ALYREF: variants seen among roughly 807,000 people sequenced by gnomAD.
ALYREF encodes Aly/REF export factor.
A neutral mutation model predicts 25.2 loss-of-function variants in ALYREF; 1 was observed. The ratio of observed to expected loss-of-function variants is 0.04; its 90% CI spans 0.01 to 0.19. The LOEUF is 0.19. Among genes scored for constraint, ALYREF ranks in the 10% least tolerant of loss-of-function variants. The pLI is 1.00. For missense variants in ALYREF, 328 were observed against 375.6 expected, an observed-to-expected ratio of 0.87 and a Z score of 1.05; for synonymous variants, 193 against 153.5, an observed-to-expected ratio of 1.26 and a Z score of -1.90.
intron 2 of ALYREF, among the ~76,000 whole-genome samples, chr17:81,890,440 C>T (rs1219050148): frequency 6.6e-6 from 1 of 152,196 alleles, no homozygotes; most frequent in African/African-American, 2.4e-5. Context: ...AAACTGGAAG[C>T]CCTGGCAGGG....
Position 81,887,974 on chromosome 17 carries a change from G to GA in ALYREF, c.*156dup, listed in dbSNP as rs1247276078. ...TTTCAGAATTAAAAAAAAAAAAAAA[G>GA]AAAAAAAAAAAACCTTTACATGAGT... On this transcript the variant is annotated 3_prime_UTR_variant, in exon 6 of 6. Transcript: ENST00000505490. The GA allele has an allele frequency of 0.052, 20,202 of 386,962 alleles. No individual in the cohort carries two copies. Among genetic ancestry groups the GA allele is most frequent in the Non-Finnish European group, 0.06 (15,620 of 258,930 alleles). The allele number at this position is 386,962 out of a possible 1,614,324, so 24.0% of individuals were successfully genotyped here.
chr17:81,888,141 T>A lies in ALYREF; in HGVS notation c.785A>T (p.Asp262Val). The change falls in exon 6 of 6, where the codon GAC (aspartate) becomes GTC (valine). Residue 262 changes from aspartate to valine, a missense_variant. Physicochemically the swap from Asp to Val is radical, Grantham distance 152. Transcript: ENST00000505490. The surrounding 1 kb of genome is among the most constrained non-coding windows in gnomAD (Gnocchi z 5.8). ...GATTTGCTGGTCTGTTTAACTGGTG[T>A]CCATCTGAAACACAGAGGAGAAAGA... ...AQLDAYNARM[D>V]TS 2 of 1,614,120 alleles carry A rather than the reference T, an allele frequency of 1.2e-6. No homozygotes were observed. The highest frequency in any genetic ancestry group is 1.7e-6 in the Non-Finnish European group (2 of 1,180,018).
rs368372926 is a variant in ALYREF, at chr17:81,888,230, C to T, written c.780+11G>A. The T allele has an allele frequency of 1.2e-5, 19 of 1,613,520 alleles. No individual in the cohort carries two copies. The highest frequency in any genetic ancestry group is 8.5e-7 in the Non-Finnish European group (1 of 1,179,926). The stretch of plus-strand genomic sequence containing the variant: ...TTGACCAGGCCCCCAGCTGGCTCCC[C>T]CGGGACTCACTCTCGCATTATAGGC... On this transcript the variant is annotated intron_variant, in intron 5 of 5. Transcript: ENST00000505490. This position sits in a 1 kb window ranked among gnomAD's most constrained non-coding sequence, Gnocchi z 5.8.
chr17:81,888,811 C>G lies in ALYREF; in HGVS notation c.539-228G>C. The stretch of plus-strand genomic sequence containing the variant: ...CTCAGTCCAGACTAGGTGGGCTGCT[C>G]GCTGAGGTATCGGGGTGCTCGTGGG... On this transcript the variant is annotated intron_variant, in intron 3 of 5. Coordinates refer to ENST00000505490, the MANE Select transcript of ALYREF (RefSeq NM_005782.4). This position sits in a 1 kb window ranked among gnomAD's most constrained non-coding sequence, Gnocchi z 5.8. The G allele has an allele frequency of 7.0e-7, 1 of 1,423,816 alleles. No individual in the cohort carries two copies. Among genetic ancestry groups the G allele is most frequent in the South Asian group, 1.5e-5 (1 of 65,838 alleles). The allele number at this position is 1,423,816 out of a possible 1,614,324, so 88.2% of individuals were successfully genotyped here. A position where few individuals can be genotyped will look rare whatever the true frequency, so the allele number is the denominator to read the frequency against.
chr17:81,890,961 C>G (rs563249533), intron 1 of ALYREF, 141 bp from the exon 2 acceptor site: 25 of 1,303,264 alleles, frequency 1.9e-5, no homozygotes, highest in Middle Eastern at 2.4e-4. Context: ...CCCTCCGGCG[C>G]TGCAGCTGCC....
Position 81,888,412 on chromosome 17 carries a change from G to A in ALYREF, c.609C>T (p.Asn203=), listed in dbSNP as rs1334269892. 1 of 1,598,680 alleles carries A rather than the reference G, an allele frequency of 6.3e-7. No individual in the cohort carries two copies. ...DAQRRPAQSV[N]RGGMTRNRGA... Reference sequence around the variant, plus strand: ...CACGGTTTCTAGTCATGCCACCTCTGTTTACGCTAGCAAGGAAGACGAAAC... The same window carrying A: ...CACGGTTTCTAGTCATGCCACCTCTATTTACGCTAGCAAGGAAGACGAAAC... The change falls in exon 5 of 6, where the codon AAC becomes AAT. Residue 203 remains asparagine, a synonymous_variant. Transcript: ENST00000505490. This position sits in a 1 kb window ranked among gnomAD's most constrained non-coding sequence, Gnocchi z 5.8.
chr17:81,888,846 G>A lies in ALYREF; in HGVS notation c.539-263C>T. On this transcript the variant is annotated intron_variant, in intron 3 of 5. Coordinates refer to ENST00000505490, the MANE Select transcript of ALYREF (RefSeq NM_005782.4). This position sits in a 1 kb window ranked among gnomAD's most constrained non-coding sequence, Gnocchi z 5.8. ...TCGGGGTGCTCGTGGGTGGAGAGGT[G>A]TGGGTGACCTGACGAAGAAGAACCG... is the stretch of plus-strand genomic sequence containing the variant. 7.1e-7 allele frequency: 1 copy of A among 1,415,492 alleles called. No individual in the cohort carries two copies. Among genetic ancestry groups the A allele is most frequent in the Non-Finnish European group, 9.2e-7 (1 of 1,087,464 alleles). 87.7% of individuals were successfully genotyped at this position (1,415,492 alleles called of 1,614,324 possible).
In ALYREF at chr17:81,888,191, T is replaced by C. The variant is rs912983173; in HGVS notation, c.781-46A>G. On this transcript the variant is annotated intron_variant, in intron 5 of 5. Coordinates refer to ENST00000505490, the MANE Select transcript of ALYREF (RefSeq NM_005782.4). The surrounding 1 kb of genome is among the most constrained non-coding windows in gnomAD (Gnocchi z 5.8). ...AGGCTTGCATTCACAGGCGGCCTGC[T>C]CCCCACTGCGGCTTTGACCAGGCCC... 1.1e-5 allele frequency: 17 copies of C among 1,613,920 alleles called. No homozygotes were observed. Among genetic ancestry groups the C allele is most frequent in the South Asian group, 3.3e-5 (3 of 91,072 alleles).
intron 1 of ALYREF, 172 bp downstream of exon 1, chr17:81,891,151 C>T (rs1011352145): frequency 7.5e-6 from 3 of 400,686 alleles, no homozygotes; most frequent in Admixed American, 4.4e-5. Flanking sequence ...GAAAGAACGA[C>T]CTCGCTCCCG....
chr17:81,888,897 C>A lies in ALYREF; in HGVS notation c.538+285G>T. On this transcript the variant is annotated intron_variant, in intron 3 of 5. Transcript: ENST00000505490. The surrounding 1 kb of genome is among the most constrained non-coding windows in gnomAD (Gnocchi z 5.8). ...GTACCTTTGTCTTTACGACTACAGC[C>A]CCGCACTCAGAGGTGTACTATGGCG... 1 of 1,410,478 alleles carries A rather than the reference C, an allele frequency of 7.1e-7. No individual in the cohort carries two copies. The highest frequency in any genetic ancestry group is 9.2e-7 in the Non-Finnish European group (1 of 1,084,344). 87.4% of individuals were successfully genotyped at this position (1,410,478 alleles called of 1,614,324 possible). A position where few individuals can be genotyped will look rare whatever the true frequency, so the allele number is the denominator to read the frequency against.
chr17:81,890,981 G>T, intron 1 of ALYREF, 161 bp from the exon 2 acceptor site: 1 of 1,102,806 alleles, frequency 9.1e-7, no homozygotes, highest in Non-Finnish European at 1.3e-6. Context: ...CCCAGCCCGA[G>T]GCCGCACGGT....
At chr17:81,889,397 A>G (rs2039472569) in intron 2 of ALYREF, 68 bp from the exon 3 acceptor site, 2 of 1,568,910 alleles carry the variant, frequency 1.3e-6, no homozygotes, top group Non-Finnish European at 1.8e-6. Context: ...GCCCAGGGAC[A>G]GGCCCTGGAA....
rs1488485999 is a variant in ALYREF at position 81,888,591 on chromosome 17, A to G, written c.539-8T>C. The G allele has an allele frequency of 3.8e-6, 6 of 1,586,074 alleles. No individual in the cohort carries two copies. Among genetic ancestry groups the G allele is most frequent in the African/African-American group, 1.3e-5 (1 of 74,576 alleles). ...GAATGTTCATGGGGCGGCCTGCGGC[A>G]AAGAATACGAGAAGGCACGTTCTAT... On this transcript the variant is annotated splice_region_variant and splice_polypyrimidine_tract_variant and intron_variant, in intron 3 of 5. Coordinates refer to ENST00000505490, the MANE Select transcript of ALYREF (RefSeq NM_005782.4). This position sits in a 1 kb window ranked among gnomAD's most constrained non-coding sequence, Gnocchi z 5.8.
rs1011470482 is a variant in ALYREF at position 81,888,511 on chromosome 17, G to A, written c.602+9C>T. On this transcript the variant is annotated intron_variant, in intron 4 of 5. Transcript: ENST00000505490. This position sits in a 1 kb window ranked among gnomAD's most constrained non-coding sequence, Gnocchi z 5.8. ...GCCAATCCCCTTCCCCAGAGGCCCC[G>A]GAAGTCACCTCTGTGCAGGCCTCCG... The A allele has an allele frequency of 1.2e-5, 19 of 1,599,380 alleles. No individual in the cohort carries two copies. Among genetic ancestry groups the A allele is most frequent in the Admixed American group, 3.5e-5 (2 of 57,510 alleles).
chr17:81,890,893 C>A, intron 1 of ALYREF, 73 bp from the exon 2 acceptor site: 1 of 1,595,888 alleles, frequency 6.3e-7, no homozygotes, highest in Non-Finnish European at 8.5e-7. Context: ...CACGGCTACT[C>A]CGGACCCTTC....
In ALYREF at chr17:81,888,208, A is replaced by C. The variant is rs764825071; in HGVS notation, c.780+33T>G. ...CGGCCTGCTCCCCACTGCGGCTTTG[A>C]CCAGGCCCCCAGCTGGCTCCCCCGG... On this transcript the variant is annotated intron_variant, in intron 5 of 5. Coordinates refer to ENST00000505490, the MANE Select transcript of ALYREF (RefSeq NM_005782.4). The surrounding 1 kb of genome is among the most constrained non-coding windows in gnomAD (Gnocchi z 5.8). 2 of 1,613,836 alleles carry C rather than the reference A, an allele frequency of 1.2e-6. No individual in the cohort carries two copies. Among genetic ancestry groups the C allele is most frequent in the South Asian group, 2.2e-5 (2 of 91,068 alleles).
At chr17:81,889,669 T>A (rs978165200) in intron 2 of ALYREF, 13 of 244,162 alleles carry the variant, frequency 5.3e-5, no homozygotes, top group African/African-American at 1.1e-4. Flanking sequence ...CAAGAAACGG[T>A]AAAGGCCAAA....
rs139402425 is a variant in ALYREF, at chr17:81,890,758, G to A, written c.321C>T (p.Ala107=). 1.7e-5 allele frequency: 28 copies of A among 1,613,964 alleles called. No homozygotes were observed. The highest frequency in any genetic ancestry group is 5.0e-5 in the Admixed American group (3 of 59,996). Residue 107 remains alanine, a synonymous_variant, in exon 2 of 6, where the codon GCC becomes GCT. Transcript: ENST00000505490. ...DLFDSGFGGG[A]GVETGGKLLV... ...GCAGTTTCCCACCTGTCTCCACGCC[G>A]GCACCACCGCCGAAGCCACTGTCGA...
rs1189497939 is a variant in ALYREF at position 81,888,449 on chromosome 17, C to G, written c.603-31G>C. 1.9e-6 allele frequency: 3 copies of G among 1,603,650 alleles called. No homozygotes were observed. Among genetic ancestry groups the G allele is most frequent in the African/African-American group, 2.7e-5 (2 of 74,758 alleles). ...AAGGAAGACGAAACCGTTCACACACCCGGAAGGACCCTAAGAGCGACGCAG... is the reference window on the plus strand; with the variant it reads ...AAGGAAGACGAAACCGTTCACACACGCGGAAGGACCCTAAGAGCGACGCAG... On this transcript the variant is annotated intron_variant, in intron 4 of 5. Transcript: ENST00000505490. The surrounding 1 kb of genome is among the most constrained non-coding windows in gnomAD (Gnocchi z 5.8).
Sources: allele counts gnomAD v4.1 joint callset (sites outside exome capture counted in the v4.1 genomes callset), GRCh38; gene constraint gnomAD v4.1.1; non-coding constraint Gnocchi (gnomAD v3.1); transcripts MANE v1.5; gene names NCBI Gene and HGNC (gene_info 2026-07-23, HGNC 2026-07-21).